ANKRD36C: variants seen among roughly 807,000 people sequenced by gnomAD.
ANKRD36C encodes the protein ankyrin repeat domain-containing protein 36C.
A neutral mutation model predicts 276.4 loss-of-function variants in ANKRD36C; 61 were observed. The ratio of observed to expected loss-of-function variants is 0.22; its 90% CI spans 0.18 to 0.27. The LOEUF (loss-of-function observed/expected upper bound fraction) is 0.27. Among genes scored for constraint, ANKRD36C ranks in the 10% least tolerant of loss-of-function variants. ANKRD36C has a pLI of 1.00. For missense variants in ANKRD36C, 1,447 were observed against 2,032.3 expected (o/e 0.71, Z 5.54); for synonymous variants, 483 against 680.1 (o/e 0.71, Z 4.51).
rs574605507 is a variant in ANKRD36C at position 95,884,499 on chromosome 2, G to T, written c.3164-131C>A. On this transcript the variant is annotated intron_variant, in intron 52 of 66. Transcript: ENST00000456556. Reference sequence around the variant, plus strand: ...GGTAGGATTTGATGTTTCCTACTTTGTGTCTGGGGATTGGAACATGACAGA... The same window carrying T: ...GGTAGGATTTGATGTTTCCTACTTTTTGTCTGGGGATTGGAACATGACAGA... 22 of 1,471,078 alleles carry T rather than the reference G, an allele frequency of 1.5e-5. No individual in the cohort carries two copies. In the South Asian group the frequency reaches 2.6e-4, roughly 17 times the overall value. 91.1% of individuals were successfully genotyped at this position (1,471,078 alleles called of 1,614,324 possible). A position where few individuals can be genotyped will look rare whatever the true frequency, so the allele number is the denominator to read the frequency against.
At chr2:95,858,898 T>C (rs1387642220) in intron 61 of ANKRD36C, among the ~76,000 whole-genome samples, 1 of 152,158 alleles carries the variant, frequency 6.6e-6, no homozygotes, top group Non-Finnish European at 1.5e-5. Context: ...AATTAAACAA[T>C]AAAGAATAAT....
intron 36 of ANKRD36C, 97 bp downstream of exon 38, chr2:95,917,758 C>A: frequency 1.4e-6 from 2 of 1,432,668 alleles, no homozygotes; most frequent in South Asian, 1.3e-5. Flanking sequence ...GCAGCTTTGG[C>A]GAGCACCCCC....
At chr2:95,875,039 G>A (rs1163904767) in intron 59 of ANKRD36C, among the ~76,000 whole-genome samples, 2 of 152,226 alleles carry the variant, frequency 1.3e-5, no homozygotes, top group East Asian at 1.9e-4. Context: ...AACAGGTGCT[G>A]GAGAAGATGT....
intron 28 of ANKRD36C, among the ~76,000 whole-genome samples, chr2:95,926,219 A>T (rs1677399859): frequency 6.6e-6 from 1 of 151,678 alleles, no homozygotes; most frequent in Non-Finnish European, 1.5e-5. Flanking sequence ...AACAAATATA[A>T]TATATAAACC....
chr2:95,927,117 T>C (rs1453223929), intron 28 of ANKRD36C, 97 bp downstream of exon 28: 10 of 1,516,742 alleles, frequency 6.6e-6, no homozygotes, highest in Non-Finnish European at 9.0e-6. Flanking sequence ...AATCAGAATG[T>C]GCAGCTTCAA....
intron 66 of ANKRD36C, 136 bp from the exon 87 acceptor site, chr2:95,851,331 C>T (rs1433171552): frequency 7.9e-6 from 6 of 757,028 alleles, no homozygotes; most frequent in Non-Finnish European, 1.3e-5. Flanking sequence ...CCAAAATGCT[C>T]TACAATCTGA....
chr2:95,870,889 T>C (rs1171787188), intron 59 of ANKRD36C, among the ~76,000 whole-genome samples: 1 of 152,066 alleles, frequency 6.6e-6, no homozygotes, highest in African/African-American at 2.4e-5. Flanking sequence ...CAGGAGCCGA[T>C]GCAATCAACT....
chr2:95,926,011 T>G (rs1042727188), intron 28 of ANKRD36C, among the ~76,000 whole-genome samples: 2 of 151,540 alleles, frequency 1.3e-5, no homozygotes, highest in African/African-American at 4.8e-5. Context: ...AGGTACACAA[T>G]GACAATGACA....
rs1451678913 is a variant in ANKRD36C at position 95,917,580 on chromosome 2, C to G, written c.2347+275G>C. Among the ~76,000 whole-genome samples the G allele has an allele frequency of 2.0e-5, 3 of 151,614 alleles. No individual in the cohort carries two copies. In the East Asian group the frequency reaches 5.9e-4, roughly 30 times the overall value. On this transcript the variant is annotated intron_variant, in intron 36 of 66. Transcript: ENST00000456556. Reference sequence around the variant, plus strand: ...AGAATTAAAGCAAAACTATGCTGTTCCCCAGAGCCCCTTATGTCTTGAACC... The same window carrying G: ...AGAATTAAAGCAAAACTATGCTGTTGCCCAGAGCCCCTTATGTCTTGAACC...
At chr2:95,894,532 T>A (rs1022886595) in intron 44 of ANKRD36C, among the ~76,000 whole-genome samples, 2 of 151,464 alleles carry the variant, frequency 1.3e-5, no homozygotes, top group Non-Finnish European at 3.0e-5. Context: ...ATGATCACTC[T>A]AGGACTTAAT....
At chr2:95,985,147 A>C (rs1679003778) in intron 3 of ANKRD36C, among the ~76,000 whole-genome samples, 1 of 152,262 alleles carries the variant, frequency 6.6e-6, no homozygotes, top group African/African-American at 2.4e-5. Context: ...CCACAATAGC[A>C]AATTTCTAAT....
intron 54 of ANKRD36C, 79 bp downstream of exon 74, chr2:95,884,094 C>T: frequency 1.4e-6 from 2 of 1,464,108 alleles, no homozygotes; most frequent in Non-Finnish European, 1.9e-6. Flanking sequence ...TTCGACGAGC[C>T]CTCCGTTGAT....
chr2:95,884,863 C>T (rs1200546547), intron 52 of ANKRD36C, among the ~76,000 whole-genome samples: 3 of 144,880 alleles, frequency 2.1e-5, no homozygotes, highest in Non-Finnish European at 2.9e-5. Flanking sequence ...GTACACTTCA[C>T]GTCTCTTCAG....
At chr2:95,910,160 A>G (rs1163086900) in intron 42 of ANKRD36C, among the ~76,000 whole-genome samples, 2 of 151,070 alleles carry the variant, frequency 1.3e-5, no homozygotes, top group African/African-American at 4.9e-5. Context: ...CTTCTTCCCA[A>G]CTTCAATGTG....
rs1171566352 is a variant in ANKRD36C at position 95,895,547 on chromosome 2, TGA to T, written c.2755+3596_2755+3597del. ...TACATTTACTAGCTCACAATATAAATGAGAGTTTTATTACCTTCAAGGCTGCT... is the reference window on the plus strand; with the variant it reads ...TACATTTACTAGCTCACAATATAAATGAGTTTTATTACCTTCAAGGCTGCT... On this transcript the variant is annotated intron_variant, in intron 44 of 66. Transcript: ENST00000456556. The T allele has an allele frequency of 2.0e-6, 3 of 1,525,334 alleles. No individual in the cohort carries two copies. The highest frequency in any genetic ancestry group is 1.8e-5 in the Admixed American group (1 of 54,292). The allele number at this position is 1,525,334 out of a possible 1,614,324, so 94.5% of individuals were successfully genotyped here.
rs777700763 is a variant in ANKRD36C at position 95,927,372 on chromosome 2, T to A, written c.1866+9A>T. ...TAATAGTTCAACATATAAATGAGTC[T>A]TTAATTACCTTCTCAGCTGGTTGTT... is the stretch of plus-strand genomic sequence containing the variant. On this transcript the variant is annotated intron_variant, in intron 27 of 66. Coordinates refer to ENST00000456556, the Ensembl canonical transcript of ANKRD36C. The A allele has an allele frequency of 1.4e-4, 224 of 1,606,066 alleles. No individual in the cohort carries two copies. The highest frequency in any genetic ancestry group is 7.6e-4 in the Middle Eastern group (4 of 5,240).
chr2:95,974,311 ACACTGT>A (rs1260138092), intron 6 of ANKRD36C, among the ~76,000 whole-genome samples: 3 of 152,206 alleles, frequency 2.0e-5, no homozygotes, highest in Admixed American at 2.0e-4. Flanking sequence ...AGCATCACTT[ACACTGT>A]CACTGTGCTA....
chr2:95,944,806 T>C (rs1327514914), intron 18 of ANKRD36C, 112 bp from the exon 19 acceptor site: 1 of 1,183,642 alleles, frequency 8.4e-7, no homozygotes, highest in Admixed American at 2.1e-5. Context: ...GGGGGGCCGA[T>C]GCAGGCAGAT....
intron 30 of ANKRD36C, among the ~76,000 whole-genome samples, chr2:95,924,474 A>T (rs1573771361): frequency 6.6e-6 from 1 of 151,686 alleles, no homozygotes; most frequent in Non-Finnish European, 1.5e-5. Context: ...ATTCATTGAA[A>T]ATAACCATTT....
Sources: gnomAD v4.1 joint callset for allele counts (sites outside exome capture counted in the v4.1 genomes callset) on GRCh38, gnomAD v4.1.1 for gene constraint, MANE v1.5 for transcripts, NCBI Gene and HGNC (gene_info 2026-07-23, HGNC 2026-07-21) for gene names.